Variants in NPHS2 observed in about 807,000 individuals in gnomAD.
The protein encoded by NPHS2 is podocin.
A neutral mutation model predicts 37.1 loss-of-function variants in NPHS2; 36 were observed. That is an observed-to-expected ratio of 0.97 (90% CI 0.74 to 1.28). The LOEUF is 1.28. Ranked by LOEUF, NPHS2 falls within the 50% of genes most tolerant of loss-of-function variation. The probability of loss-of-function intolerance (pLI) is 0.00; values close to 1 mark genes in which losing one functional copy is unlikely to be tolerated. For missense variants in NPHS2, 447 were observed against 488.1 expected (o/e 0.92, Z 0.79); for synonymous variants, 196 against 189.3 (o/e 1.04, Z -0.29).
chr1:179,557,513 A>T lies in NPHS2; in HGVS notation c.535-283T>A, dbSNP rs1673982323. ...GTTGATTCCAAACCAGGTCTTTCTA[A>T]ACTGATACCAAAATAAAGCATCTGC... On this transcript the variant is annotated intron_variant, in intron 4 of 7. Transcript: ENST00000367615. 1.3e-5 allele frequency among the ~76,000 whole-genome samples: 2 copies of T among 152,222 alleles called. 1 individual carries two copies. Among genetic ancestry groups the T allele is most frequent in the Admixed American group, 1.3e-4 (2 of 15,280 alleles).
rs1040479346 is a variant in NPHS2 at position 179,551,261 on chromosome 1, T to C, written c.1064A>G (p.Asn355Ser). ...DLLNCLSSPS[N>S]RTQGSLPFPS... ...GAAGGGGAGGCTTCCCTGAGTTCTG[T>C]TGCTGGGAGAAGACAGGCAATTCAG... The change falls in exon 8 of 8, where the codon AAC (asparagine) becomes AGC (serine). Residue 355 changes from asparagine (N) to serine (S), a missense_variant. Asn to Ser is a conservative substitution (Grantham distance 46). Transcript: ENST00000367615. The C allele has an allele frequency of 5.0e-6, 8 of 1,613,950 alleles. No individual in the cohort carries two copies. The highest frequency in any genetic ancestry group is 2.2e-5 in the East Asian group (1 of 44,880).
chr1:179,572,034 A>G (rs1048736145), intron 1 of NPHS2, among the ~76,000 whole-genome samples: 39 of 152,302 alleles, frequency 2.6e-4, no homozygotes, highest in African/African-American at 9.4e-4. Context: ...GGGTGAGGCA[A>G]CGCCCTGCCC....
intron 1 of NPHS2, among the ~76,000 whole-genome samples, chr1:179,565,762 C>T (rs926072551): frequency 8.0e-5 from 12 of 150,922 alleles, no homozygotes; most frequent in Middle Eastern, 3.4e-3. Context: ...TGATGTTCAC[C>T]GCCCTGTGTC....
At chr1:179,569,007 C>T (rs1674441107) in intron 1 of NPHS2, among the ~76,000 whole-genome samples, 1 of 152,098 alleles carries the variant, frequency 6.6e-6, no homozygotes, top group South Asian at 2.1e-4. Context: ...TGATGTGGTG[C>T]TGAGAAGAAT....
chr1:179,554,624 C>T, intron 5 of NPHS2, 93 bp from the exon 6 acceptor site: 1 of 1,535,920 alleles, frequency 6.5e-7, no homozygotes, highest in Non-Finnish European at 9.0e-7. Context: ...TACTAAGGAA[C>T]AACATTCCCT....
At chr1:179,552,451 A>G in intron 7 of NPHS2, 152 bp downstream of exon 7, 1 of 691,528 alleles carries the variant, frequency 1.4e-6, no homozygotes, top group Non-Finnish European at 2.6e-6. Context: ...CTATTAACAC[A>G]CTTTAAGAGA....
At chr1:179,561,573 A>G (rs1374623732) in intron 2 of NPHS2, among the ~76,000 whole-genome samples, 2 of 152,216 alleles carry the variant, frequency 1.3e-5, no homozygotes, top group African/African-American at 4.8e-5. Flanking sequence ...TTTTGAACCC[A>G]TAGACAGAAT....
intron 1 of NPHS2, among the ~76,000 whole-genome samples, chr1:179,565,728 C>T (rs951691107): frequency 1.3e-5 from 2 of 151,562 alleles, no homozygotes; most frequent in Admixed American, 6.6e-5. Context: ...CCCAGCTCCC[C>T]ACCCCCCGAC....
chr1:179,551,560 G>A (rs1673287038), intron 7 of NPHS2, 109 bp from the exon 8 acceptor site: 3 of 1,228,858 alleles, frequency 2.4e-6, no homozygotes, highest in South Asian at 1.3e-5. Context: ...TATGTGGCAA[G>A]CACGGTTAAG....
intron 6 of NPHS2, among the ~76,000 whole-genome samples, chr1:179,553,236 A>G (rs1209916304): frequency 6.6e-6 from 1 of 152,232 alleles, no homozygotes; most frequent in African/African-American, 2.4e-5. Flanking sequence ...TTACCATGTG[A>G]CCTAGTAATT....
chr1:179,561,220 A>G, intron 3 of NPHS2, 69 bp downstream of exon 3: 1 of 1,080,424 alleles, frequency 9.3e-7, no homozygotes, highest in Non-Finnish European at 1.4e-6. Flanking sequence ...CATATTACAA[A>G]TCTGCATGGG....
At chr1:179,562,004 G>A (rs986697480) in intron 2 of NPHS2, among the ~76,000 whole-genome samples, 13 of 152,116 alleles carry the variant, frequency 8.5e-5, no homozygotes, top group South Asian at 6.2e-4. Flanking sequence ...ACAGGGTTTC[G>A]CCATATTCGT....
rs768426098 is a variant in NPHS2 at position 179,556,983 on chromosome 1, A to G, written c.738+44T>C. ...AATGTCCAATGAACAAATGAATAAA[A>G]GATAAATATTTCAGCATATTGGCCA... On this transcript the variant is annotated intron_variant, in intron 5 of 7. Transcript: ENST00000367615. This position sits in a 1 kb window ranked among gnomAD's most constrained non-coding sequence, Gnocchi z 4.1. 1.9e-5 allele frequency: 29 copies of G among 1,496,128 alleles called. No homozygotes were observed. Among genetic ancestry groups the G allele is most frequent in the Non-Finnish European group, 2.6e-5 (28 of 1,084,514 alleles). 92.7% of individuals were successfully genotyped at this position (1,496,128 alleles called of 1,614,324 possible).
Position 179,551,217 on chromosome 1 carries a change from C to T in NPHS2, c.1108G>A (p.Val370Ile). Residue 370 changes from valine (V) to isoleucine (I), a missense_variant, in exon 8 of 8, where the codon GTT becomes ATT. By Grantham distance (29) the Val-to-Ile change is conservative. Coordinates refer to ENST00000367615, the MANE Select transcript of NPHS2 (RefSeq NM_014625.4). The part of the protein sequence containing the change: ...SLPFPSPSKP[V>I]EPLNPKKKDS... ...TTCTTTTTAGGATTTAGTGGCTCAA[C>T]AGGTTTGGAAGGACTTGGGAAGGGG... The T allele has an allele frequency of 1.2e-6, 2 of 1,614,074 alleles. No individual in the cohort carries two copies. The highest frequency in any genetic ancestry group is 8.5e-7 in the Non-Finnish European group (1 of 1,180,012).
Position 179,551,279 on chromosome 1 carries a change from C to A in NPHS2, c.1046G>T (p.Cys349Phe). The change falls in exon 8 of 8, where the codon TGC becomes TTC. Residue 349 changes from cysteine (C) to phenylalanine (F), a missense_variant. Transcript: ENST00000367615. ...VLPLPFDLLN[C>F]LSSPSNRTQG... ...AGTTCTGTTGCTGGGAGAAGACAGGCAATTCAGTAGGTCAAATGGCAAAGG... is the reference window on the plus strand; with the variant it reads ...AGTTCTGTTGCTGGGAGAAGACAGGAAATTCAGTAGGTCAAATGGCAAAGG... 6.2e-7 allele frequency: 1 copy of A among 1,613,984 alleles called. No homozygotes were observed. The highest frequency in any genetic ancestry group is 8.5e-7 in the Non-Finnish European group (1 of 1,180,004).
intron 1 of NPHS2, among the ~76,000 whole-genome samples, chr1:179,575,330 T>TC (rs1674715354): frequency 6.6e-6 from 1 of 152,136 alleles, no homozygotes; most frequent in Admixed American, 6.5e-5. Flanking sequence ...GTCCCCAACC[T>TC]GTACCACACT....
intron 4 of NPHS2, 47 bp downstream of exon 4, chr1:179,559,632 G>T: frequency 8.3e-7 from 1 of 1,204,354 alleles, no homozygotes; most frequent in South Asian, 1.3e-5. Context: ...ACGGTAGGTA[G>T]ACCATGGAAA....
intron 1 of NPHS2, among the ~76,000 whole-genome samples, chr1:179,565,354 C>G (rs1674295076): frequency 6.6e-6 from 1 of 152,146 alleles, no homozygotes; most frequent in Non-Finnish European, 1.5e-5. Context: ...GATTCCAGTT[C>G]TGGCTCTACT....
intron 1 of NPHS2, among the ~76,000 whole-genome samples, chr1:179,574,052 C>T (rs892998665): frequency 3.3e-5 from 5 of 152,120 alleles, no homozygotes; most frequent in Admixed American, 2.0e-4. Context: ...GGATGTTACT[C>T]TCTGTTCCCC....
Sources: allele counts gnomAD v4.1 joint callset (sites outside exome capture counted in the v4.1 genomes callset), GRCh38; gene constraint gnomAD v4.1.1; non-coding constraint Gnocchi (gnomAD v3.1); transcripts MANE v1.5; gene names NCBI Gene and HGNC (gene_info 2026-07-23, HGNC 2026-07-21).